The following WWOX variants were observed in gnomAD, a reference collection of about 807,000 sequenced individuals.
WWOX encodes WW domain-containing oxidoreductase.
WWOX carries 69 observed loss-of-function variants against 46.2 expected under a neutral mutation model. The ratio of observed to expected loss-of-function variants is 1.49; its 90% CI spans 1.23 to 1.82. The LOEUF is 1.82. Among genes scored for constraint, WWOX ranks in the 40% most tolerant of loss-of-function variants. WWOX has a pLI of 0.00. For missense variants in WWOX, 919 were observed against 542.6 expected (o/e 1.69, Z -6.89); for synonymous variants, 359 against 202.6 (o/e 1.77, Z -6.56).
At chr16:78,470,467 C>T (rs530071885) in intron 8 of WWOX, among the ~76,000 whole-genome samples, 10 of 152,326 alleles carry the variant, frequency 6.6e-5, no homozygotes, top group African/African-American at 2.4e-4. Context: ...TCTACGATTT[C>T]ATCCTCATGG....
At chr16:78,575,045 ATATATATATATATATATATATATATAT>A (rs2044832467) in intron 8 of WWOX, among the ~76,000 whole-genome samples, 1 of 7,164 alleles carries the variant, frequency 1.4e-4, no homozygotes, top group East Asian at 7.1e-3. Context: ...ATATATATAT[ATATATATATATATATATATATATATAT>A]ATATATATAT....
At chr16:78,933,869 T>A (rs2045677242) in intron 8 of WWOX, among the ~76,000 whole-genome samples, 1 of 151,844 alleles carries the variant, frequency 6.6e-6, no homozygotes, top group Admixed American at 6.6e-5. Flanking sequence ...AACATGAGAT[T>A]TGGGTGGGGA....
At chr16:78,183,268 G>A (rs1423487132) in intron 5 of WWOX, among the ~76,000 whole-genome samples, 6 of 152,182 alleles carry the variant, frequency 3.9e-5, no homozygotes, top group Admixed American at 1.3e-4. Flanking sequence ...TGTGTTGGGG[G>A]CGGTGTGGCT....
At chr16:79,178,797 A>T (rs1031543359) in intron 8 of WWOX, among the ~76,000 whole-genome samples, 1 of 152,050 alleles carries the variant, frequency 6.6e-6, no homozygotes, top group Admixed American at 6.6e-5. Context: ...TCCAACTACA[A>T]TTTTTTTCCT....
intron 8 of WWOX, among the ~76,000 whole-genome samples, chr16:78,435,607 A>G (rs1388403898): frequency 6.6e-6 from 1 of 152,014 alleles, no homozygotes; most frequent in Non-Finnish European, 1.5e-5. Flanking sequence ...GTGGAGGGGC[A>G]CTCATAGAAA....
chr16:78,502,860 G>A (rs1039886713), intron 8 of WWOX, among the ~76,000 whole-genome samples: 1 of 152,128 alleles, frequency 6.6e-6, no homozygotes, highest in Non-Finnish European at 1.5e-5. Flanking sequence ...TAATGGCTGA[G>A]CTCCTCCTTA....
chr16:78,890,818 G>C (rs1056649064), intron 8 of WWOX: 1 of 152,142 alleles, frequency 6.6e-6, no homozygotes, highest in African/African-American at 2.4e-5. Flanking sequence ...TGGGTTTCGA[G>C]CATGTTTTGT....
At chr16:78,127,279 C>T (rs1270722006) in intron 4 of WWOX, among the ~76,000 whole-genome samples, 3 of 152,062 alleles carry the variant, frequency 2.0e-5, no homozygotes, top group Non-Finnish European at 4.4e-5. Flanking sequence ...TAACGTGTAG[C>T]CATTTCTGGA....
At chr16:78,383,400 TAAC>T (rs1257857566) in intron 5 of WWOX, among the ~76,000 whole-genome samples, 4 of 152,146 alleles carry the variant, frequency 2.6e-5, no homozygotes, top group Non-Finnish European at 4.4e-5. Flanking sequence ...AAATAAAAGT[TAAC>T]AACCAGAAGA....
chr16:78,419,625 CAAAAAAAAAAAAAAAAA>C (rs60762734), intron 6 of WWOX, among the ~76,000 whole-genome samples: 2 of 44,692 alleles, frequency 4.5e-5, no homozygotes, highest in Non-Finnish European at 9.3e-5. Flanking sequence ...CAAAAAATAG[CAAAAAAAAAAAAAAAAA>C]AAAAAAAAGG....
At chr16:79,169,800 G>T (rs2050665339) in intron 8 of WWOX, among the ~76,000 whole-genome samples, 1 of 152,182 alleles carries the variant, frequency 6.6e-6, no homozygotes, top group African/African-American at 2.4e-5. Flanking sequence ...TTCCTCCCCA[G>T]ACGTTTTTCC....
At position 78,234,799 on chromosome 16, in the gene WWOX, C is replaced by CA. The variant is rs1297186578; in HGVS notation, c.516+70512dup. 1.4e-3 allele frequency among the ~76,000 whole-genome samples: 61 copies of CA among 42,970 alleles called. No individual in the cohort carries two copies. In the African/African-American group the frequency reaches 0.016, roughly 11 times the overall value. 28.2% of individuals were successfully genotyped at this position (42,970 alleles called of 152,430 possible). ...AACAAAACAAAACAAAACAAAAAAA[C>CA]AACAAAAAAAAACCCACACAGGTCT... On this transcript the variant is annotated intron_variant, in intron 5 of 8. Coordinates refer to ENST00000566780, the MANE Select transcript of WWOX (RefSeq NM_016373.4).
At chr16:78,792,470 G>C (rs7189879) in intron 8 of WWOX, among the ~76,000 whole-genome samples, 18,590 of 152,196 alleles carry the variant, frequency 0.12, 2,139 homozygotes, top group African/African-American at 0.3. Context: ...CCAGGGTGAG[G>C]AAGTATGTCC....
chr16:79,205,791 G>C (rs1473346792), intron 8 of WWOX: 1 of 152,198 alleles, frequency 6.6e-6, no homozygotes. Flanking sequence ...ACTGTGTTAG[G>C]AATCATTGGA....
At chr16:78,606,648 T>G (rs1384131113) in intron 8 of WWOX, among the ~76,000 whole-genome samples, 3 of 150,432 alleles carry the variant, frequency 2.0e-5, no homozygotes, top group Admixed American at 2.0e-4. Context: ...GTTGAATATG[T>G]GAACACATCC....
At position 78,161,123 on chromosome 16, in the gene WWOX, A is replaced by G. The variant is rs561691786; in HGVS notation, c.410-3060A>G. 2.0e-3 allele frequency among the ~76,000 whole-genome samples: 304 copies of G among 152,146 alleles called. 1 individual carries two copies. The highest frequency in any genetic ancestry group is 6.8e-3 in the African/African-American group (282 of 41,530). On this transcript the variant is annotated intron_variant, in intron 4 of 8. Transcript: ENST00000566780. The stretch of plus-strand genomic sequence containing the variant: ...TTTCTTTTGGCCCGTGTTATACAGT[A>G]TACCTTTTCTATTCTTTTACTTTTT...
At chr16:78,962,784 C>G (rs1000081025) in intron 8 of WWOX, among the ~76,000 whole-genome samples, 1 of 152,202 alleles carries the variant, frequency 6.6e-6, no homozygotes, top group South Asian at 2.1e-4. Context: ...GAAGGCTCAT[C>G]TGTTCCCCTT....
chr16:78,154,706 T>C (rs2034538341), intron 4 of WWOX, among the ~76,000 whole-genome samples: 1 of 152,052 alleles, frequency 6.6e-6, no homozygotes, highest in Non-Finnish European at 1.5e-5. Flanking sequence ...CAAGTGCTAC[T>C]GCGGGGTTTT....
intron 8 of WWOX, among the ~76,000 whole-genome samples, chr16:79,180,025 G>A (rs1229856668): frequency 6.6e-6 from 1 of 152,094 alleles, no homozygotes; most frequent in Non-Finnish European, 1.5e-5. Flanking sequence ...CATAGAAGAT[G>A]GTTGTTGTCT....
Sources: gnomAD v4.1 joint callset for allele counts (sites outside exome capture counted in the v4.1 genomes callset) on GRCh38, gnomAD v4.1.1 for gene constraint, MANE v1.5 for transcripts, NCBI Gene and HGNC (gene_info 2026-07-23, HGNC 2026-07-21) for gene names.